The following NRXN1 variants were observed in gnomAD, a reference collection of about 807,000 sequenced individuals.
NRXN1 encodes neurexin-1.
NRXN1 carries 39 observed loss-of-function variants against 150.9 expected under a neutral mutation model. The ratio of observed to expected loss-of-function variants is 0.26; its 90% CI spans 0.20 to 0.34. The LOEUF (loss-of-function observed/expected upper bound fraction) is 0.34, where lower values mean the gene tolerates loss of function less well. Ranked by LOEUF, NRXN1 falls within the 10% of genes least tolerant of loss-of-function variation. The probability of loss-of-function intolerance (pLI) is 1.00; values close to 1 mark genes in which losing one functional copy is unlikely to be tolerated. For synonymous variants in NRXN1, 924 were observed against 757.0 expected (o/e 1.22, Z -3.62); for missense variants, 1,815 against 1,949.9 (o/e 0.93, Z 1.30).
chr2:50,836,315 T>C (rs936002806), intron 5 of NRXN1, among the ~76,000 whole-genome samples: 4 of 152,178 alleles, frequency 2.6e-5, no homozygotes, highest in Non-Finnish European at 1.5e-5. Flanking sequence ...ACTTACCATT[T>C]TTTTGTGGTA....
At chr2:50,523,932 C>G (rs1315085377) in intron 12 of NRXN1, among the ~76,000 whole-genome samples, 1 of 152,066 alleles carries the variant, frequency 6.6e-6, no homozygotes, top group African/African-American at 2.4e-5. Context: ...GCCAAAAGTA[C>G]TTGGAAGGTC....
intron 8 of NRXN1, among the ~76,000 whole-genome samples, chr2:50,598,594 A>G (rs974171868): frequency 6.8e-6 from 1 of 148,134 alleles, no homozygotes; most frequent in African/African-American, 2.5e-5. Context: ...ATATGTATAT[A>G]TGCGCGTGTA....
intron 17 of NRXN1, among the ~76,000 whole-genome samples, chr2:50,287,038 T>A (rs1046609766): frequency 3.3e-5 from 5 of 152,086 alleles, no homozygotes; most frequent in Admixed American, 3.3e-4. Flanking sequence ...TTTTTAATAT[T>A]GTAAACATCA....
chr2:50,556,095 C>T (rs78244342), intron 8 of NRXN1, among the ~76,000 whole-genome samples: 3,799 of 152,192 alleles, frequency 0.025, 70 homozygotes, highest in Non-Finnish European at 0.038. Context: ...AAAGGCTACT[C>T]CAGAAAACAG....
At chr2:50,031,914 G>A (rs910469017) in intron 21 of NRXN1, among the ~76,000 whole-genome samples, 1 of 152,012 alleles carries the variant, frequency 6.6e-6, no homozygotes, top group African/African-American at 2.4e-5. Flanking sequence ...TAATGAATGT[G>A]TCTGGCCTTT....
At chr2:50,144,436 G>A (rs111650043) in intron 18 of NRXN1, among the ~76,000 whole-genome samples, 4 of 151,706 alleles carry the variant, frequency 2.6e-5, no homozygotes, top group Non-Finnish European at 5.9e-5. Context: ...AGAAAGCTAG[G>A]GGGGAGAAAC....
intron 19 of NRXN1, among the ~76,000 whole-genome samples, chr2:50,063,910 G>A (rs896892351): frequency 6.6e-6 from 1 of 151,988 alleles, no homozygotes; most frequent in Admixed American, 6.6e-5. Context: ...ATACAGTTAT[G>A]CAAAAAATAC....
At chr2:50,297,254 G>A (rs1879341) in intron 17 of NRXN1, among the ~76,000 whole-genome samples, 133,241 of 152,198 alleles carry the variant, frequency 0.88, 58,648 homozygotes, top group African/African-American at 0.97. Context: ...TTTTTATTCA[G>A]TCACCTATTG....
intron 17 of NRXN1, among the ~76,000 whole-genome samples, chr2:50,373,343 T>A (rs2080176509): frequency 6.8e-6 from 1 of 146,632 alleles, no homozygotes; most frequent in African/African-American, 2.5e-5. Context: ...TTGCCTCAGA[T>A]TGAGGTAGAA....
chr2:50,683,250 T>C (rs769103165), intron 5 of NRXN1, among the ~76,000 whole-genome samples: 8 of 151,996 alleles, frequency 5.3e-5, no homozygotes, highest in Non-Finnish European at 1.2e-4. Flanking sequence ...AGGCAAACTG[T>C]TGCTCTCGCA....
At chr2:50,517,676 C>T (rs2092668787) in intron 12 of NRXN1, among the ~76,000 whole-genome samples, 1 of 152,016 alleles carries the variant, frequency 6.6e-6, no homozygotes, top group African/African-American at 2.4e-5. Flanking sequence ...ATGCATACAG[C>T]CTAGTGGAAC....
chr2:50,725,827 C>T (rs1177968486), intron 5 of NRXN1, among the ~76,000 whole-genome samples: 2 of 152,088 alleles, frequency 1.3e-5, no homozygotes, highest in African/African-American at 2.4e-5. Context: ...AAGTCTCATA[C>T]AGACCTAAGC....
At position 50,347,759 on chromosome 2, in the gene NRXN1, A is replaced by C. The variant is rs1363011516; in HGVS notation, c.3365-110789T>G. Reference sequence around the variant, plus strand: ...AAGAAAAAGAAAAAGAAAAAAAGAAAAGAAAAACCACACACGCTGGTGAAG... The same window carrying C: ...AAGAAAAAGAAAAAGAAAAAAAGAACAGAAAAACCACACACGCTGGTGAAG... On this transcript the variant is annotated intron_variant, in intron 17 of 22. Transcript: ENST00000401669. This position sits in a 1 kb window ranked among gnomAD's most constrained non-coding sequence, Gnocchi z 4.9. 2 of 986,520 alleles carry C rather than the reference A, an allele frequency of 2.0e-6. No individual in the cohort carries two copies. Among genetic ancestry groups the C allele is most frequent in the African/African-American group, 3.5e-5 (2 of 57,264 alleles). The allele number at this position is 986,520 out of a possible 1,614,324, so 61.1% of individuals were successfully genotyped here. A position where few individuals can be genotyped will look rare whatever the true frequency, so the allele number is the denominator to read the frequency against.
chr2:50,787,508 G>A (rs1452542049), intron 5 of NRXN1, among the ~76,000 whole-genome samples: 2 of 149,456 alleles, frequency 1.3e-5, no homozygotes, highest in African/African-American at 4.9e-5. Flanking sequence ...GTTGCAGTGA[G>A]CCGAGATCAC....
chr2:50,988,982 T>C (rs1575141140), intron 2 of NRXN1, among the ~76,000 whole-genome samples: 1 of 152,012 alleles, frequency 6.6e-6, no homozygotes, highest in Non-Finnish European at 1.5e-5. Context: ...TTTCTGCCTT[T>C]CCCACTTTTT....
intron 17 of NRXN1, among the ~76,000 whole-genome samples, chr2:50,448,519 T>A (rs1367632795): frequency 6.6e-6 from 1 of 152,182 alleles, no homozygotes; most frequent in Admixed American, 6.5e-5. Flanking sequence ...CTAGGAAACG[T>A]GAAAGGAACA....
intron 17 of NRXN1, among the ~76,000 whole-genome samples, chr2:50,239,040 G>A (rs1329396946): frequency 6.6e-6 from 1 of 151,908 alleles, no homozygotes; most frequent in Non-Finnish European, 1.5e-5. Context: ...ACAGAGTGTA[G>A]ATCAGAAATC....
At chr2:50,679,668 T>A (rs1378011807) in intron 5 of NRXN1, among the ~76,000 whole-genome samples, 3 of 152,076 alleles carry the variant, frequency 2.0e-5, no homozygotes, top group Non-Finnish European at 2.9e-5. Context: ...TAAAAGTAAA[T>A]AAAATTATCT....
chr2:50,847,225 T>A (rs1467800931), intron 5 of NRXN1, among the ~76,000 whole-genome samples: 1 of 152,122 alleles, frequency 6.6e-6, no homozygotes, highest in Non-Finnish European at 1.5e-5. Context: ...CAGTGTTCTT[T>A]TTTTATTATT....
Sources: gnomAD v4.1 joint callset for allele counts (sites outside exome capture counted in the v4.1 genomes callset) on GRCh38, gnomAD v4.1.1 for gene constraint, Gnocchi (gnomAD v3.1) non-coding constraint, MANE v1.5 for transcripts, NCBI Gene and HGNC (gene_info 2026-07-23, HGNC 2026-07-21) for gene names.